The following CDK14 variants were observed in gnomAD, a reference collection of about 807,000 sequenced individuals.
CDK14 encodes the protein cyclin dependent kinase 14, also known as cyclin-dependent kinase 14.
Under a neutral mutation model 60.7 loss-of-function variants are expected in CDK14, and 34 were observed. That is an observed-to-expected ratio of 0.56 (90% CI 0.43 to 0.75). The LOEUF (loss-of-function observed/expected upper bound fraction) is 0.75, where lower values mean the gene tolerates loss of function less well. Ranked by LOEUF, CDK14 falls within the 30% of genes least tolerant of loss-of-function variation. CDK14 has a pLI of 0.00. For synonymous variants in CDK14, 197 were observed against 203.7 expected, an observed-to-expected ratio of 0.97 and a Z score of 0.28; for missense variants, 482 against 564.1, an observed-to-expected ratio of 0.85 and a Z score of 1.47.
chr7:90,758,129 C>A (rs1804159457), intron 4 of CDK14, among the ~76,000 whole-genome samples: 1 of 152,196 alleles, frequency 6.6e-6, no homozygotes, highest in Admixed American at 6.5e-5. Context: ...CATCAACATA[C>A]AAAACTCACA....
At chr7:90,936,518 TTA>T (rs1793758053) in intron 8 of CDK14, among the ~76,000 whole-genome samples, 1 of 152,218 alleles carries the variant, frequency 6.6e-6, no homozygotes, top group Non-Finnish European at 1.5e-5. Context: ...CTATAGCTTT[TTA>T]TCTCTTTTTT....
At chr7:91,089,725 T>C (rs1798748234) in intron 12 of CDK14, among the ~76,000 whole-genome samples, 1 of 152,144 alleles carries the variant, frequency 6.6e-6, no homozygotes, top group African/African-American at 2.4e-5. Flanking sequence ...ACGTTAGGTG[T>C]CTGTTTGGAT....
At chr7:90,751,366 T>C (rs565999013) in intron 4 of CDK14, among the ~76,000 whole-genome samples, 2 of 152,018 alleles carry the variant, frequency 1.3e-5, no homozygotes, top group Non-Finnish European at 2.9e-5. Context: ...TGGGGGCCTG[T>C]TTTCACCATT....
intron 14 of CDK14, among the ~76,000 whole-genome samples, chr7:91,171,448 G>A (rs1349977218): frequency 1.3e-5 from 2 of 152,238 alleles, no homozygotes; most frequent in Middle Eastern, 3.4e-3. Context: ...ACTAAAAGAT[G>A]CTTTTATTAG....
At chr7:90,819,010 A>AT (rs1161539756) in intron 5 of CDK14, among the ~76,000 whole-genome samples, 1 of 151,956 alleles carries the variant, frequency 6.6e-6, no homozygotes, top group East Asian at 1.9e-4. Flanking sequence ...ATATATGGGC[A>AT]TTTTTTTAGT....
chr7:90,853,016 A>C (rs1562798912), intron 5 of CDK14, among the ~76,000 whole-genome samples: 1 of 152,110 alleles, frequency 6.6e-6, no homozygotes, highest in Non-Finnish European at 1.5e-5. Flanking sequence ...CTCCAACCAA[A>C]ATCTGTATTC....
chr7:90,864,666 A>G (rs1410296816), intron 6 of CDK14, among the ~76,000 whole-genome samples: 1 of 152,188 alleles, frequency 6.6e-6, no homozygotes, highest in African/African-American at 2.4e-5. Context: ...TTAAAAAATA[A>G]TGGAATATAT....
intron 8 of CDK14, among the ~76,000 whole-genome samples, chr7:90,951,640 C>T (rs1794267318): frequency 6.6e-6 from 1 of 152,126 alleles, no homozygotes; most frequent in Non-Finnish European, 1.5e-5. Context: ...AAAAAGGATG[C>T]ACTGGAATTT....
At chr7:90,844,467 G>A (rs1408764421) in intron 5 of CDK14, among the ~76,000 whole-genome samples, 1 of 152,182 alleles carries the variant, frequency 6.6e-6, no homozygotes, top group Non-Finnish European at 1.5e-5. Flanking sequence ...CATGAGGTAG[G>A]ACTTCTAAAT....
intron 2 of CDK14, among the ~76,000 whole-genome samples, chr7:90,612,145 C>A (rs1052877501): frequency 5.9e-5 from 9 of 152,124 alleles, no homozygotes; most frequent in African/African-American, 2.2e-4. Context: ...AAACAGTTAT[C>A]TTTTATTTTC....
intron 2 of CDK14, among the ~76,000 whole-genome samples, chr7:90,698,749 A>G (rs1322315935): frequency 6.6e-6 from 1 of 152,164 alleles, no homozygotes; most frequent in Admixed American, 6.5e-5. Flanking sequence ...CCCCTCTTCT[A>G]GCATTTGCTA....
chr7:90,653,473 C>G (rs930279731), intron 2 of CDK14, among the ~76,000 whole-genome samples: 19 of 151,866 alleles, frequency 1.3e-4, no homozygotes, highest in African/African-American at 4.6e-4. Context: ...TTCCTCCTTT[C>G]TCTGGATCCT....
chr7:91,197,811 A>G (rs775418023), intron 14 of CDK14, among the ~76,000 whole-genome samples: 41 of 152,372 alleles, frequency 2.7e-4, no homozygotes, highest in African/African-American at 4.8e-4. Context: ...AAATATAGCA[A>G]CATGCTATGG....
chr7:90,981,530 ACTT>A (rs759915523), intron 9 of CDK14, among the ~76,000 whole-genome samples: 5 of 152,234 alleles, frequency 3.3e-5, no homozygotes, highest in Admixed American at 6.5e-5. Flanking sequence ...CAAATACATT[ACTT>A]CTTTAATTCA....
intron 14 of CDK14, among the ~76,000 whole-genome samples, chr7:91,165,127 AATAGT>A (rs1801306937): frequency 6.6e-6 from 1 of 152,234 alleles, no homozygotes; most frequent in African/African-American, 2.4e-5. Context: ...CCCACGCTCT[AATAGT>A]ACATTGCAAC....
intron 5 of CDK14, among the ~76,000 whole-genome samples, chr7:90,832,295 G>A (rs555193653): frequency 6.6e-6 from 1 of 152,274 alleles, no homozygotes; most frequent in East Asian, 1.9e-4. Flanking sequence ...GTAATCTTCT[G>A]TAGAAGTAAT....
intron 4 of CDK14, among the ~76,000 whole-genome samples, chr7:90,777,415 A>G (rs1015885273): frequency 6.6e-6 from 1 of 152,230 alleles, no homozygotes; most frequent in Non-Finnish European, 1.5e-5. Flanking sequence ...AGGCAAAGGA[A>G]GAGAGGCAGT....
At chr7:90,817,125 C>G (rs1001363482) in intron 5 of CDK14, among the ~76,000 whole-genome samples, 5 of 152,026 alleles carry the variant, frequency 3.3e-5, no homozygotes, top group African/African-American at 1.2e-4. Context: ...TGGAACTCTT[C>G]AAAAGACTAT....
rs145035206 is a variant in CDK14 at position 90,982,902 on chromosome 7, A to G, written c.948-1246A>G. On this transcript the variant is annotated intron_variant, in intron 9 of 14. Transcript: ENST00000380050. ...AAATGGGCAAAAGACATGAACAGGC[A>G]TTTCTCAAAAGAAGACATACGAGCA... Among the ~76,000 whole-genome samples, 1,149 of 152,270 alleles carry G rather than the reference A, an allele frequency of 7.5e-3. 9 individuals are homozygous for G. Among genetic ancestry groups the G allele is most frequent in the Admixed American group, 0.014 (218 of 15,290 alleles).
Sources: allele counts gnomAD v4.1 joint callset (sites outside exome capture counted in the v4.1 genomes callset), GRCh38; gene constraint gnomAD v4.1.1; transcripts MANE v1.5; gene names NCBI Gene and HGNC (gene_info 2026-07-23, HGNC 2026-07-21).